The following NLGN1 variants were observed in gnomAD, a reference collection of about 807,000 sequenced individuals.
NLGN1 encodes the protein neuroligin 1.
NLGN1 carries 12 observed loss-of-function variants against 65.5 expected under a neutral mutation model. The ratio of observed to expected loss-of-function variants is 0.18; its 90% CI spans 0.12 to 0.30. The LOEUF is 0.30. Ranked by LOEUF, NLGN1 falls within the 10% of genes least tolerant of loss-of-function variation. NLGN1 has a pLI of 1.00. For missense variants in NLGN1, 750 were observed against 1,007.1 expected (o/e 0.74, Z 3.46); for synonymous variants, 350 against 359.5 (o/e 0.97, Z 0.30).
chr3:174,144,650 A>C (rs1722880199), intron 4 of NLGN1, among the ~76,000 whole-genome samples: 1 of 152,086 alleles, frequency 6.6e-6, no homozygotes, highest in African/African-American at 2.4e-5. Flanking sequence ...TTTGATTTGC[A>C]TTTCTCTAAT....
At chr3:173,743,370 A>G (rs1471985723) in intron 3 of NLGN1, among the ~76,000 whole-genome samples, 3 of 152,110 alleles carry the variant, frequency 2.0e-5, no homozygotes, top group South Asian at 2.1e-4. Context: ...GTGACTAAGC[A>G]CCAGCAGCTC....
At chr3:173,748,962 G>A (rs1775934354) in intron 3 of NLGN1, among the ~76,000 whole-genome samples, 1 of 151,988 alleles carries the variant, frequency 6.6e-6, no homozygotes, top group Admixed American at 6.6e-5. Context: ...CAAAGTAGGT[G>A]CGTCATTATA....
chr3:174,246,582 T>C (rs1380037088), intron 4 of NLGN1, among the ~76,000 whole-genome samples: 5 of 152,134 alleles, frequency 3.3e-5, no homozygotes, highest in Admixed American at 6.5e-5. Context: ...CCACACCTGA[T>C]TAATTTTTCA....
intron 2 of NLGN1, among the ~76,000 whole-genome samples, chr3:173,516,690 G>A (rs772454545): frequency 2.6e-5 from 4 of 151,996 alleles, no homozygotes; most frequent in Non-Finnish European, 5.9e-5. Context: ...CAAGAAATCT[G>A]CCTAGCTGAT....
At chr3:173,812,452 G>A (rs1360452292) in intron 4 of NLGN1, among the ~76,000 whole-genome samples, 1 of 151,932 alleles carries the variant, frequency 6.6e-6, no homozygotes, top group Non-Finnish European at 1.5e-5. Flanking sequence ...TTTAGGCCAG[G>A]CGTGGTGGTG....
intron 4 of NLGN1, among the ~76,000 whole-genome samples, chr3:173,829,947 G>A (rs1007761098): frequency 2.7e-5 from 4 of 149,812 alleles, no homozygotes; most frequent in African/African-American, 5.0e-5. Context: ...GTGCCCTGTT[G>A]AGTGGTCATA....
intron 4 of NLGN1, among the ~76,000 whole-genome samples, chr3:174,173,624 T>C (rs1728934383): frequency 6.6e-6 from 1 of 152,010 alleles, no homozygotes; most frequent in Admixed American, 6.6e-5. Flanking sequence ...TCACATTGAT[T>C]GATTTACATA....
At chr3:173,754,007 CTTTA>C (rs1294509680) in intron 3 of NLGN1, among the ~76,000 whole-genome samples, 24 of 127,404 alleles carry the variant, frequency 1.9e-4, no homozygotes, top group Admixed American at 1.8e-3. Context: ...CTTTTTTTTT[CTTTA>C]TTTCTTTCTT....
At chr3:174,065,163 G>A (rs938099383) in intron 4 of NLGN1, among the ~76,000 whole-genome samples, 5 of 151,888 alleles carry the variant, frequency 3.3e-5, no homozygotes, top group Non-Finnish European at 5.9e-5. Context: ...TTTTCCATAT[G>A]TAGATGTAAA....
At chr3:173,678,942 T>G (rs768103428) in intron 3 of NLGN1, among the ~76,000 whole-genome samples, 38 of 152,098 alleles carry the variant, frequency 2.5e-4, no homozygotes, top group Middle Eastern at 6.8e-3. Context: ...TCTGTAATAA[T>G]TGGTTGGTTC....
At chr3:174,142,428 A>G (rs938555414) in intron 4 of NLGN1, among the ~76,000 whole-genome samples, 1 of 152,128 alleles carries the variant, frequency 6.6e-6, no homozygotes, top group African/African-American at 2.4e-5. Flanking sequence ...CCTGATACAT[A>G]TGTATAAGTC....
chr3:173,547,680 A>G (rs1740121795), intron 2 of NLGN1, among the ~76,000 whole-genome samples: 1 of 152,140 alleles, frequency 6.6e-6, no homozygotes, highest in African/African-American at 2.4e-5. Context: ...TTAGCGAATT[A>G]GATTGTTTAT....
At chr3:173,821,226 T>C (rs1720230772) in intron 4 of NLGN1, among the ~76,000 whole-genome samples, 1 of 152,226 alleles carries the variant, frequency 6.6e-6, no homozygotes, top group Non-Finnish European at 1.5e-5. Flanking sequence ...TACTAATTTC[T>C]GTTCTAGTAT....
intron 4 of NLGN1, among the ~76,000 whole-genome samples, chr3:174,100,968 C>T (rs1365795403): frequency 6.6e-6 from 1 of 152,092 alleles, no homozygotes; most frequent in Non-Finnish European, 1.5e-5. Flanking sequence ...GTTTTCCCCT[C>T]TGCAGCAAGT....
intron 2 of NLGN1, among the ~76,000 whole-genome samples, chr3:173,539,858 G>A (rs1397841435): frequency 8.1e-6 from 1 of 123,618 alleles, no homozygotes; most frequent in Non-Finnish European, 1.7e-5. Flanking sequence ...TATATGTTAT[G>A]TATGTGTTAT....
intron 3 of NLGN1, among the ~76,000 whole-genome samples, chr3:173,769,227 T>A (rs1779219933): frequency 6.6e-6 from 1 of 152,162 alleles, no homozygotes; most frequent in South Asian, 2.1e-4. Context: ...ATATTTACCA[T>A]GAAACTCCTC....
chr3:173,640,693 C>T (rs1450813258), intron 3 of NLGN1, among the ~76,000 whole-genome samples: 3 of 152,034 alleles, frequency 2.0e-5, no homozygotes, highest in Admixed American at 6.5e-5. Flanking sequence ...ATTCATGAAC[C>T]GTCCATTTAC....
At chr3:173,927,058 T>G (rs889680837) in intron 4 of NLGN1, among the ~76,000 whole-genome samples, 2 of 152,140 alleles carry the variant, frequency 1.3e-5, no homozygotes, top group African/African-American at 4.8e-5. Flanking sequence ...ATTGCCTTTT[T>G]TTCCTTTCTT....
chr3:173,401,688 A>G (rs1577285509), intron 1 of NLGN1, among the ~76,000 whole-genome samples: 1 of 152,294 alleles, frequency 6.6e-6, no homozygotes, highest in Middle Eastern at 3.4e-3. Flanking sequence ...CAAAATCAGA[A>G]TCTACAAGAA....
Sources: gnomAD v4.1 joint callset for allele counts (sites outside exome capture counted in the v4.1 genomes callset) on GRCh38, gnomAD v4.1.1 for gene constraint, MANE v1.5 for transcripts, NCBI Gene and HGNC (gene_info 2026-07-23, HGNC 2026-07-21) for gene names.